The following CNTN4 variants were observed in gnomAD, a reference collection of about 807,000 sequenced individuals.
The protein encoded by CNTN4 is contactin 4.
A neutral mutation model predicts 122.5 loss-of-function variants in CNTN4; 77 were observed. The observed-to-expected ratio is 0.63, with a 90% confidence interval of 0.52 to 0.76. The LOEUF (loss-of-function observed/expected upper bound fraction) is 0.76, where lower values mean the gene tolerates loss of function less well. CNTN4 is among the 30% of genes least tolerant of loss of function. CNTN4 has a pLI of 0.00. For synonymous variants in CNTN4, 512 were observed against 447.0 expected, an observed-to-expected ratio of 1.15 and a Z score of -1.83; for missense variants, 1,256 against 1,259.1, an observed-to-expected ratio of 1.00 and a Z score of 0.04.
At chr3:2,523,399 A>G (rs967082262) in intron 3 of CNTN4, among the ~76,000 whole-genome samples, 5 of 151,054 alleles carry the variant, frequency 3.3e-5, no homozygotes, top group Middle Eastern at 3.4e-3. Context: ...TTGTGACATG[A>G]TGACAGCTGT....
At chr3:2,440,957 A>T (rs1007336112) in intron 3 of CNTN4, among the ~76,000 whole-genome samples, 5 of 149,588 alleles carry the variant, frequency 3.3e-5, no homozygotes, top group Non-Finnish European at 7.4e-5. Context: ...ATTTTCACAC[A>T]CATATATATT....
intron 2 of CNTN4, among the ~76,000 whole-genome samples, chr3:2,127,800 G>C (rs2034252012): frequency 6.6e-6 from 1 of 152,140 alleles, no homozygotes; most frequent in Non-Finnish European, 1.5e-5. Context: ...TGTTTAAAAG[G>C]TGCTACAGGG....
chr3:2,836,861 T>C (rs1314948139), intron 7 of CNTN4, among the ~76,000 whole-genome samples: 1 of 152,034 alleles, frequency 6.6e-6, no homozygotes, highest in Non-Finnish European at 1.5e-5. Flanking sequence ...CACATATATA[T>C]CTATGTAACA....
chr3:2,312,056 A>T (rs2042934182), intron 2 of CNTN4, among the ~76,000 whole-genome samples: 2 of 152,104 alleles, frequency 1.3e-5, no homozygotes, highest in South Asian at 2.1e-4. Flanking sequence ...TTTTTTTAAG[A>T]TAAAAATGGC....
chr3:2,962,296 G>A lies in CNTN4; in HGVS notation c.1359-26049G>A, dbSNP rs137882242. 1.7e-3 allele frequency among the ~76,000 whole-genome samples: 256 copies of A among 152,258 alleles called. 1 individual carries two copies. The highest frequency in any genetic ancestry group is 5.9e-3 in the African/African-American group (245 of 41,548). ...AAGCCAGACGCCTGGTGCAGCACAG[G>A]AAATCCCAGGTTTCCTTTCTGCCAC... is the stretch of plus-strand genomic sequence containing the variant. On this transcript the variant is annotated intron_variant, in intron 13 of 24. Transcript: ENST00000418658.
At chr3:3,030,184 A>T (rs1406948967) in intron 15 of CNTN4, among the ~76,000 whole-genome samples, 1 of 152,254 alleles carries the variant, frequency 6.6e-6, no homozygotes, top group East Asian at 1.9e-4. Context: ...CCTCACATTT[A>T]TTAAAAGTAC....
At chr3:2,457,781 A>G (rs564180262) in intron 3 of CNTN4, among the ~76,000 whole-genome samples, 1 of 152,258 alleles carries the variant, frequency 6.6e-6, no homozygotes, top group Admixed American at 6.5e-5. Flanking sequence ...GTAATTCATT[A>G]AGCATGTTTT....
chr3:2,184,958 ACTTTG>A (rs1464777200), intron 2 of CNTN4, among the ~76,000 whole-genome samples: 2 of 152,160 alleles, frequency 1.3e-5, no homozygotes, highest in African/African-American at 2.4e-5. Context: ...GGCTTTTGTT[ACTTTG>A]CTTTGCTTAA....
chr3:2,692,847 G>A (rs1187858294), intron 4 of CNTN4, among the ~76,000 whole-genome samples: 1 of 151,782 alleles, frequency 6.6e-6, no homozygotes, highest in Admixed American at 6.6e-5. Context: ...TTTACCATAA[G>A]GTTAGAGTAA....
At chr3:2,412,805 A>G (rs1231773812) in intron 3 of CNTN4, among the ~76,000 whole-genome samples, 1 of 152,160 alleles carries the variant, frequency 6.6e-6, no homozygotes, top group Non-Finnish European at 1.5e-5. Flanking sequence ...GTAGAATCAG[A>G]TTGCCTGAAT....
intron 6 of CNTN4, among the ~76,000 whole-genome samples, chr3:2,786,352 C>T (rs561457991): frequency 1.3e-5 from 2 of 152,192 alleles, no homozygotes; most frequent in Admixed American, 6.5e-5. Context: ...GGCTCCGGGG[C>T]CACAGGCAAC....
intron 7 of CNTN4, among the ~76,000 whole-genome samples, chr3:2,850,880 A>C (rs2093538752): frequency 6.6e-6 from 1 of 152,206 alleles, no homozygotes; most frequent in Admixed American, 6.5e-5. Context: ...AATGTGTTTC[A>C]ATCTCCTTGA....
chr3:2,283,980 T>G (rs1339937711), intron 2 of CNTN4, among the ~76,000 whole-genome samples: 1 of 152,142 alleles, frequency 6.6e-6, no homozygotes, highest in African/African-American at 2.4e-5. Context: ...ATCTGCTTCT[T>G]ACTTATCTAG....
intron 7 of CNTN4, among the ~76,000 whole-genome samples, chr3:2,837,598 C>G (rs1258390123): frequency 6.6e-6 from 1 of 152,210 alleles, no homozygotes; most frequent in Non-Finnish European, 1.5e-5. Flanking sequence ...CCAAATGGCA[C>G]TGTAGCCTAG....
At chr3:2,723,489 G>T (rs1252078117) in intron 4 of CNTN4, among the ~76,000 whole-genome samples, 1 of 152,204 alleles carries the variant, frequency 6.6e-6, no homozygotes, top group African/African-American at 2.4e-5. Flanking sequence ...GGTGAGGGCT[G>T]CTCTGTGCTT....
At chr3:2,801,637 A>C (rs548123263) in intron 6 of CNTN4, among the ~76,000 whole-genome samples, 2 of 152,156 alleles carry the variant, frequency 1.3e-5, no homozygotes, top group African/African-American at 4.8e-5. Flanking sequence ...CCAGTATAGC[A>C]TTGCTTGTAT....
chr3:2,923,690 A>G (rs1330029014), intron 12 of CNTN4, among the ~76,000 whole-genome samples: 3 of 152,154 alleles, frequency 2.0e-5, no homozygotes, highest in Admixed American at 6.5e-5. Context: ...TCTTTCTTCC[A>G]TCAAGCTACC....
intron 14 of CNTN4, among the ~76,000 whole-genome samples, chr3:3,018,719 G>T (rs1698000864): frequency 6.6e-6 from 1 of 152,150 alleles, no homozygotes. Context: ...TCCCAGCTCT[G>T]TTGCTGAGAA....
rs187313175 is a variant in CNTN4, at chr3:2,342,900, A to G, written c.-89+3667A>G. 1.9e-3 allele frequency among the ~76,000 whole-genome samples: 287 copies of G among 152,340 alleles called. 2 individuals are homozygous for G. The highest frequency in any genetic ancestry group is 6.6e-3 in the African/African-American group (273 of 41,588). ...GCAAAACTATAGAGACAGAAAGTAG[A>G]TTAATAGTTTCCAGAAACTAAGGAG... On this transcript the variant is annotated intron_variant, in intron 3 of 24. Coordinates refer to ENST00000418658, the MANE Select transcript of CNTN4 (RefSeq NM_175607.3).
Sources: gnomAD v4.1 joint callset for allele counts (sites outside exome capture counted in the v4.1 genomes callset) on GRCh38, gnomAD v4.1.1 for gene constraint, MANE v1.5 for transcripts, NCBI Gene and HGNC (gene_info 2026-07-23, HGNC 2026-07-21) for gene names.